TRHDE: variants seen among roughly 807,000 people sequenced by gnomAD.
TRHDE encodes the protein thyrotropin releasing hormone degrading enzyme.
Under a neutral mutation model 125.7 loss-of-function variants are expected in TRHDE, and 72 were observed. The observed-to-expected ratio is 0.57, with a 90% CI of 0.47 to 0.70. The LOEUF is 0.70. Ranked by LOEUF, TRHDE falls within the 30% of genes least tolerant of loss-of-function variation. The pLI is 0.00. For missense variants in TRHDE, 1,110 were observed against 1,327.1 expected (o/e 0.84, Z 2.54); for synonymous variants, 509 against 509.1 (o/e 1.00, Z 0.00).
chr12:72,286,492 A>G (rs1304993883), intron 1 of TRHDE, among the ~76,000 whole-genome samples, 189 bp from the exon 2 acceptor site: 1 of 152,030 alleles, frequency 6.6e-6, no homozygotes, highest in Admixed American at 6.6e-5. Flanking sequence ...TCCCTGAAAA[A>G]CTTTTATGGT....
intron 15 of TRHDE, among the ~76,000 whole-genome samples, chr12:72,648,717 T>C (rs1592595632): frequency 6.6e-6 from 1 of 151,646 alleles, no homozygotes; most frequent in East Asian, 1.9e-4. Context: ...GAGGCCAAGG[T>C]GGGAGGATCA....
chr12:72,620,809 T>A (rs1387480239), intron 13 of TRHDE, among the ~76,000 whole-genome samples: 1 of 152,104 alleles, frequency 6.6e-6, no homozygotes, highest in Non-Finnish European at 1.5e-5. Context: ...TCAATATTCT[T>A]TGTTTTCCTC....
intron 2 of TRHDE, among the ~76,000 whole-genome samples, chr12:72,221,965 G>A (rs1878009999): frequency 6.6e-6 from 1 of 152,036 alleles, no homozygotes; most frequent in South Asian, 2.1e-4. Context: ...TAGTGTCAGG[G>A]CCTCTTCATG....
At chr12:72,375,253 C>G (rs1046842603) in intron 2 of TRHDE, among the ~76,000 whole-genome samples, 1 of 152,088 alleles carries the variant, frequency 6.6e-6, no homozygotes, top group African/African-American at 2.4e-5. Context: ...GTATGAATGT[C>G]TTGTTCATTT....
At chr12:72,548,699 G>A (rs1776498171) in intron 7 of TRHDE, among the ~76,000 whole-genome samples, 1 of 151,268 alleles carries the variant, frequency 6.6e-6, no homozygotes, top group Non-Finnish European at 1.5e-5. Context: ...AATTAAAGCT[G>A]TAATTATGAA....
chr12:72,362,472 C>T (rs1871143215), intron 2 of TRHDE, among the ~76,000 whole-genome samples: 1 of 152,000 alleles, frequency 6.6e-6, no homozygotes, highest in Non-Finnish European at 1.5e-5. Flanking sequence ...AGCCCTTTGT[C>T]AGATGAGTAG....
chr12:72,145,449 C>T (rs999442414), intron 2 of TRHDE, among the ~76,000 whole-genome samples: 1 of 152,096 alleles, frequency 6.6e-6, no homozygotes, highest in Non-Finnish European at 1.5e-5. Context: ...CACAACACTG[C>T]AAAAATGCTA....
chr12:72,507,803 C>T (rs1878419693), intron 6 of TRHDE, among the ~76,000 whole-genome samples: 1 of 152,216 alleles, frequency 6.6e-6, no homozygotes, highest in African/African-American at 2.4e-5. Context: ...GCAGCTCCTC[C>T]CATCATAGGC....
At chr12:72,140,494 C>G (rs1411725005) in intron 2 of TRHDE, 2 of 152,134 alleles carry the variant, frequency 1.3e-5, no homozygotes, top group Non-Finnish European at 2.9e-5. Context: ...AAGCTGTAGC[C>G]TGACCACCTT....
intron 2 of TRHDE, among the ~76,000 whole-genome samples, chr12:72,199,283 A>G: frequency 6.6e-6 from 1 of 152,200 alleles, no homozygotes; most frequent in Non-Finnish European, 1.5e-5. Flanking sequence ...GAGCTTAAAA[A>G]AAAACAGCTT....
rs1012077312 is a variant in TRHDE, at chr12:72,452,462, C to T, written c.1316-17296C>T. Reference sequence around the variant, plus strand: ...TCTTGCCTAATTGCTCTAGCTAGGGCTTCCAGGACTATGTTTACTGGAAGT... The same window carrying T: ...TCTTGCCTAATTGCTCTAGCTAGGGTTTCCAGGACTATGTTTACTGGAAGT... On this transcript the variant is annotated intron_variant, in intron 3 of 18. Coordinates refer to ENST00000261180, the MANE Select transcript of TRHDE (RefSeq NM_013381.3). Among the ~76,000 whole-genome samples, 3 of 152,140 alleles carry T rather than the reference C, an allele frequency of 2.0e-5. No individual in the cohort carries two copies. The East Asian group carries it at 5.8e-4, about 29-fold the overall frequency.
intron 6 of TRHDE, among the ~76,000 whole-genome samples, chr12:72,532,700 T>C (rs1565780765): frequency 6.6e-6 from 1 of 151,082 alleles, no homozygotes. Context: ...TATAATATGT[T>C]TGCTATTAAA....
intron 2 of TRHDE, among the ~76,000 whole-genome samples, chr12:72,134,166 G>A (rs1875928264): frequency 6.6e-6 from 1 of 152,116 alleles, no homozygotes; most frequent in Admixed American, 6.5e-5. Flanking sequence ...ACCATAGTTT[G>A]AAAATTCAAA....
chr12:72,536,684 G>A (rs1348486237), intron 6 of TRHDE, among the ~76,000 whole-genome samples: 1 of 151,996 alleles, frequency 6.6e-6, no homozygotes, highest in Non-Finnish European at 1.5e-5. Context: ...TCCACATACA[G>A]TAATAAAAAT....
chr12:72,557,000 A>C (rs1308178518), intron 7 of TRHDE, among the ~76,000 whole-genome samples: 1 of 152,048 alleles, frequency 6.6e-6, no homozygotes, highest in Non-Finnish European at 1.5e-5. Flanking sequence ...CTTTTTTATT[A>C]GCTGAATTCT....
At chr12:72,400,799 C>T (rs541538609) in intron 3 of TRHDE, among the ~76,000 whole-genome samples, 8 of 151,998 alleles carry the variant, frequency 5.3e-5, no homozygotes, top group Admixed American at 1.3e-4. Flanking sequence ...AAACACTTTG[C>T]GTGTTGAATA....
In TRHDE at chr12:72,652,485, A is replaced by G. The variant is rs1234520080; in HGVS notation, c.2839A>G (p.Asn947Asp). 1 of 1,603,654 alleles carries G rather than the reference A, an allele frequency of 6.2e-7. No homozygotes were observed. The highest frequency in any genetic ancestry group is 1.7e-4 in the Middle Eastern group (1 of 6,006). Reference sequence around the variant, plus strand: ...TTGCAGTGATGACAGGAATTTATTAAACAGGTAGGCCGACTGATTTTCTAA... The same window carrying G: ...TTGCAGTGATGACAGGAATTTATTAGACAGGTAGGCCGACTGATTTTCTAA... The part of the protein sequence containing the change: ...LTCSDDRNLL[N>D]RLLNLSLNSE... The change falls in exon 16 of 19, where the codon AAC becomes GAC. Residue 947 changes from asparagine to aspartate, a missense_variant. Transcript: ENST00000261180.
intron 12 of TRHDE, among the ~76,000 whole-genome samples, chr12:72,600,218 ATTTG>A (rs1274369097): frequency 6.6e-6 from 1 of 151,728 alleles, no homozygotes; most frequent in African/African-American, 2.4e-5. Context: ...TTTGCTTAGG[ATTTG>A]TTTGTCTATT....
chr12:72,450,708 G>A (rs956842660), intron 3 of TRHDE, among the ~76,000 whole-genome samples: 6 of 151,988 alleles, frequency 3.9e-5, no homozygotes, highest in Non-Finnish European at 8.8e-5. Context: ...ATTTATTTAG[G>A]AACTTCTACA....
Sources: allele counts gnomAD v4.1 joint callset (sites outside exome capture counted in the v4.1 genomes callset), GRCh38; gene constraint gnomAD v4.1.1; transcripts MANE v1.5; gene names NCBI Gene and HGNC (gene_info 2026-07-23, HGNC 2026-07-21).